EHBP1: variants seen among roughly 807,000 people sequenced by gnomAD.
The protein encoded by EHBP1 is EH domain binding protein 1.
In EHBP1, 55 loss-of-function variants were observed where a neutral mutation model predicts 144.0. The ratio of observed to expected loss-of-function variants is 0.38; its 90% confidence interval spans 0.31 to 0.48. The LOEUF (loss-of-function observed/expected upper bound fraction) is 0.48, where lower values mean the gene tolerates loss of function less well. EHBP1 is among the 20% of genes least tolerant of loss of function. The probability of loss-of-function intolerance (pLI) is 0.98; values close to 1 mark genes in which losing one functional copy is unlikely to be tolerated. For missense variants in EHBP1, 1,200 were observed against 1,364.2 expected (o/e 0.88, Z 1.90); for synonymous variants, 469 against 472.7 (o/e 0.99, Z 0.10).
chr2:62,918,451 A>C (rs1312300862), intron 10 of EHBP1, among the ~76,000 whole-genome samples: 1 of 152,156 alleles, frequency 6.6e-6, no homozygotes, highest in Non-Finnish European at 1.5e-5. Context: ...CGGCATCACA[A>C]TATATTAAAT....
chr2:62,789,034 T>C (rs1000670669), intron 5 of EHBP1, among the ~76,000 whole-genome samples: 3 of 152,218 alleles, frequency 2.0e-5, no homozygotes, highest in Non-Finnish European at 4.4e-5. Flanking sequence ...CTTTTAGTGA[T>C]CATGAAGAGT....
chr2:62,752,979 T>C (rs2039898836), intron 3 of EHBP1, among the ~76,000 whole-genome samples: 1 of 152,228 alleles, frequency 6.6e-6, no homozygotes, highest in Non-Finnish European at 1.5e-5. Context: ...TTTCTTTCAA[T>C]TGAAGTATTT....
At chr2:62,839,100 C>G (rs1317524893) in intron 7 of EHBP1, among the ~76,000 whole-genome samples, 2 of 147,922 alleles carry the variant, frequency 1.4e-5, no homozygotes, top group Non-Finnish European at 3.0e-5. Context: ...CAATAAAATA[C>G]TGGCAAACCG....
At chr2:62,720,196 G>C (rs143053745) in intron 2 of EHBP1, among the ~76,000 whole-genome samples, 35 of 152,212 alleles carry the variant, frequency 2.3e-4, no homozygotes, top group African/African-American at 7.9e-4. Flanking sequence ...TTTTGGCTTG[G>C]GGGTGAGGGA....
intron 19 of EHBP1, among the ~76,000 whole-genome samples, chr2:63,010,691 G>A (rs543276069): frequency 6.6e-6 from 1 of 151,726 alleles, no homozygotes; most frequent in Admixed American, 6.6e-5. Flanking sequence ...AAGTTTCCTA[G>A]GTTCCAGTGG....
intron 5 of EHBP1, among the ~76,000 whole-genome samples, chr2:62,785,920 C>T (rs1195667641): frequency 6.6e-6 from 1 of 152,042 alleles, no homozygotes; most frequent in African/African-American, 2.4e-5. Context: ...TTTCCTCATC[C>T]ATCAGAGGTA....
At chr2:63,033,431 T>G (rs932601735) in intron 19 of EHBP1, among the ~76,000 whole-genome samples, 5 of 152,194 alleles carry the variant, frequency 3.3e-5, no homozygotes, top group Non-Finnish European at 7.4e-5. Flanking sequence ...TAGAAAATCT[T>G]GAATTTGTGT....
At chr2:62,935,880 C>T (rs929606456) in intron 10 of EHBP1, among the ~76,000 whole-genome samples, 2 of 152,150 alleles carry the variant, frequency 1.3e-5, no homozygotes, top group Admixed American at 6.5e-5. Flanking sequence ...TGCTCTTCTG[C>T]ATCTGTTTAG....
chr2:62,891,646 A>G (rs1047376065), intron 10 of EHBP1, among the ~76,000 whole-genome samples: 9 of 152,152 alleles, frequency 5.9e-5, no homozygotes, highest in African/African-American at 2.2e-4. Flanking sequence ...TTCAATACCT[A>G]GATTAAAAGT....
intron 10 of EHBP1, among the ~76,000 whole-genome samples, chr2:62,887,139 A>G (rs984304051): frequency 6.6e-6 from 1 of 152,170 alleles, no homozygotes; most frequent in Admixed American, 6.6e-5. Context: ...TTTTCAGCCT[A>G]GGCTTATACT....
intron 5 of EHBP1, among the ~76,000 whole-genome samples, chr2:62,775,902 A>G (rs2042022963): frequency 6.6e-6 from 1 of 152,206 alleles, no homozygotes; most frequent in South Asian, 2.1e-4. Context: ...TGCAATAACT[A>G]GCTACCTTAA....
At chr2:63,026,921 A>G (rs13004408) in intron 19 of EHBP1, among the ~76,000 whole-genome samples, 1 of 152,350 alleles carries the variant, frequency 6.6e-6, no homozygotes, top group South Asian at 2.1e-4. Context: ...AGTGAACAGC[A>G]TGAGGGTTTT....
intron 7 of EHBP1, among the ~76,000 whole-genome samples, chr2:62,845,960 A>C (rs1273055092): frequency 1.3e-5 from 2 of 152,176 alleles, no homozygotes; most frequent in East Asian, 3.8e-4. Flanking sequence ...TAAGTTTATA[A>C]GGTATCATAG....
At chr2:62,863,837 G>GTTTTTTTTTTT (rs1354945636) in intron 8 of EHBP1, among the ~76,000 whole-genome samples, 1 of 74,572 alleles carries the variant, frequency 1.3e-5, no homozygotes. Flanking sequence ...ATTTTTCTGT[G>GTTTTTTTTTTT]TTGTTTTTTT....
At chr2:63,031,099 C>T (rs575694257) in intron 19 of EHBP1, among the ~76,000 whole-genome samples, 1 of 151,884 alleles carries the variant, frequency 6.6e-6, no homozygotes, top group South Asian at 2.1e-4. Flanking sequence ...GCCCAGCTTC[C>T]ACTCCCACTT....
intron 2 of EHBP1, among the ~76,000 whole-genome samples, chr2:62,745,796 T>C (rs987883500): frequency 2.6e-5 from 4 of 152,030 alleles, no homozygotes; most frequent in Non-Finnish European, 5.9e-5. Context: ...AGCATAGGCC[T>C]TGTTTAAAGG....
At chr2:62,951,245 G>A (rs540315728) in intron 13 of EHBP1, among the ~76,000 whole-genome samples, 16 of 152,266 alleles carry the variant, frequency 1.1e-4, no homozygotes, top group African/African-American at 3.9e-4. Flanking sequence ...ACTGCCACCT[G>A]GATGACAGAG....
intron 2 of EHBP1, among the ~76,000 whole-genome samples, chr2:62,723,455 T>C (rs2036434356): frequency 6.6e-6 from 1 of 151,900 alleles, no homozygotes; most frequent in South Asian, 2.1e-4. Flanking sequence ...TCTGTGCCTT[T>C]TAATTGGGGT....
chr2:62,941,783 C>G (rs2056769298), intron 10 of EHBP1, among the ~76,000 whole-genome samples: 2 of 152,090 alleles, frequency 1.3e-5, no homozygotes, highest in African/African-American at 4.8e-5. Flanking sequence ...ATAGCTAGCA[C>G]TTTTAATTAG....
Sources: allele counts gnomAD v4.1 joint callset (sites outside exome capture counted in the v4.1 genomes callset), GRCh38; gene constraint gnomAD v4.1.1; transcripts MANE v1.5; gene names NCBI Gene and HGNC (gene_info 2026-07-23, HGNC 2026-07-21).